The following FADS2 variants were observed in gnomAD, a reference collection of about 807,000 sequenced individuals.
FADS2 encodes acyl-CoA 6-desaturase.
FADS2 carries 18 observed loss-of-function variants against 61.2 expected under a neutral mutation model. The observed-to-expected ratio is 0.29, with a 90% CI of 0.20 to 0.44. The LOEUF (loss-of-function observed/expected upper bound fraction) is 0.44, where lower values mean the gene tolerates loss of function less well. Ranked by LOEUF, FADS2 falls within the 20% of genes least tolerant of loss-of-function variation. FADS2 has a pLI of 1.00. For missense variants in FADS2, 322 were observed against 572.7 expected (o/e 0.56, Z 4.47); for synonymous variants, 203 against 223.9 (o/e 0.91, Z 0.83).
intron 1 of FADS2, among the ~76,000 whole-genome samples, chr11:61,834,986 C>T (rs1464133855): frequency 7.4e-6 from 1 of 135,812 alleles, no homozygotes; most frequent in Non-Finnish European, 1.6e-5. Context: ...TGCCTGCCCC[C>T]CCACCCCAGC....
upstream of FADS2, chr11:61,826,234 CTTCA>C (rs1407344638): frequency 2.8e-6 from 2 of 702,314 alleles, no homozygotes; most frequent in African/African-American, 3.5e-5. Context: ...ATTCTTTGAA[CTTCA>C]TTCATTCATT....
intron 1 of FADS2, among the ~76,000 whole-genome samples, chr11:61,829,883 T>C (rs965342459): frequency 6.6e-6 from 1 of 152,134 alleles, no homozygotes; most frequent in Admixed American, 6.5e-5. Flanking sequence ...CAGGCCACCA[T>C]AACCCAAGCT....
intron 6 of FADS2, 45 bp from the exon 7 acceptor site, chr11:61,857,409 G>A (rs1483977374): frequency 1.3e-6 from 2 of 1,563,362 alleles, no homozygotes; most frequent in Non-Finnish European, 1.8e-6. Context: ...TCCGGCACAG[G>A]CAGGGTGGAA....
chr11:61,827,014 A>G (rs2067091296), upstream of FADS2, among the ~76,000 whole-genome samples: 1 of 152,134 alleles, frequency 6.6e-6, no homozygotes, highest in African/African-American at 2.4e-5. This position sits in a 1 kb window ranked among gnomAD's most constrained non-coding sequence, Gnocchi z 4.5. Context: ...ATCCCATTGA[A>G]ATCTGAGGGC....
At chr11:61,818,826 T>G (rs937504146) in intron 1 of FADS2, among the ~76,000 whole-genome samples, 1 of 152,068 alleles carries the variant, frequency 6.6e-6, no homozygotes, top group African/African-American at 2.4e-5. Flanking sequence ...GAAGTGTAAG[T>G]TGATTAAACT....
At chr11:61,840,748 A>G (rs1214928966) in intron 4 of FADS2, 23 bp downstream of exon 4, 9 of 1,566,324 alleles carry the variant, frequency 5.7e-6, no homozygotes, top group Non-Finnish European at 7.9e-6. Flanking sequence ...AGCCCTGGGC[A>G]TCTGTCCTGT....
In FADS2 at chr11:61,833,749, C is replaced by A. The variant is rs558151434; in HGVS notation, c.208-4029C>A. Among the ~76,000 whole-genome samples, 7 of 152,318 alleles carry A rather than the reference C, an allele frequency of 4.6e-5. No homozygotes were observed. The East Asian group carries it at 1.2e-3, about 25-fold the overall frequency. ...ACCAGCGTGGGGATGCCGGAGAAGG[C>A]TTTTGGTGTTCCAGAGGCAGAAGCC... is the stretch of plus-strand genomic sequence containing the variant. On this transcript the variant is annotated intron_variant, in intron 1 of 11. Coordinates refer to ENST00000278840, the MANE Select transcript of FADS2 (RefSeq NM_004265.4).
chr11:61,855,484 G>A (rs1236676091), intron 5 of FADS2: 3 of 152,204 alleles, frequency 2.0e-5, no homozygotes, highest in Non-Finnish European at 2.9e-5. Flanking sequence ...TCCCTGGCTC[G>A]GACCTCTCCA....
chr11:61,836,050 A>G lies in FADS2; in HGVS notation c.208-1728A>G, dbSNP rs2067171632. ...CCTGGTATAACTTCTTTTTTCCTTCAAGTGAGAGCCTGTCACATTAAAGAA... is the reference window on the plus strand; with the variant it reads ...CCTGGTATAACTTCTTTTTTCCTTCGAGTGAGAGCCTGTCACATTAAAGAA... On this transcript the variant is annotated intron_variant, in intron 1 of 11. Transcript: ENST00000278840. Among the ~76,000 whole-genome samples the G allele has an allele frequency of 2.0e-5, 3 of 152,140 alleles. No homozygotes were observed. The South Asian group carries it at 6.2e-4, about 31-fold the overall frequency.
chr11:61,825,003 C>T (rs1053312047), upstream of FADS2, among the ~76,000 whole-genome samples: 14 of 151,528 alleles, frequency 9.2e-5, no homozygotes, highest in African/African-American at 2.9e-4. Context: ...CCATCATGGC[C>T]AACATGGTGA....
upstream of FADS2, chr11:61,826,199 A>G (rs2067083941): frequency 1.4e-6 from 1 of 702,400 alleles, no homozygotes; most frequent in African/African-American, 1.7e-5. Context: ...TTTGAGCCCC[A>G]TCTACCGCCG....
chr11:61,848,116 C>T (rs1459183236), intron 4 of FADS2, 43 bp from the exon 5 acceptor site: 1 of 1,613,476 alleles, frequency 6.2e-7, no homozygotes, highest in African/African-American at 1.3e-5. Context: ...GCTCGGTTCC[C>T]TGGTGGCTTG....
upstream of FADS2, chr11:61,826,234 C>CTTCA (rs1407344638): frequency 1.3e-5 from 9 of 702,194 alleles, no homozygotes; most frequent in Admixed American, 1.8e-4. Context: ...ATTCTTTGAA[C>CTTCA]TTCATTCATT....
chr11:61,821,966 A>T (rs898833889), intron 1 of FADS2, among the ~76,000 whole-genome samples: 5 of 150,796 alleles, frequency 3.3e-5, no homozygotes, highest in Admixed American at 2.7e-4. Context: ...GATTTCCTTA[A>T]TGCAGTCTTT....
chr11:61,831,935 C>G (rs553228030), intron 1 of FADS2, among the ~76,000 whole-genome samples: 28 of 152,336 alleles, frequency 1.8e-4, no homozygotes, highest in Admixed American at 7.2e-4. Context: ...GCAGTCCCAC[C>G]ACTGCAGAAC....
intron 1 of FADS2, chr11:61,817,009 G>C: frequency 7.6e-7 from 1 of 1,317,628 alleles, no homozygotes; most frequent in Non-Finnish European, 9.7e-7. Context: ...CTGCCAACAC[G>C]CGCCCCCTCG....
chr11:61,865,891 T>A lies in FADS2; in HGVS notation c.*202T>A, dbSNP rs2067464418. Reference sequence around the variant, plus strand: ...CACCCTGCCCTCATGGGACCTGCCCTCCCTCAGCCGTCAGCCATCAGCCAT... The same window carrying A: ...CACCCTGCCCTCATGGGACCTGCCCACCCTCAGCCGTCAGCCATCAGCCAT... On this transcript the variant is annotated 3_prime_UTR_variant, in exon 12 of 12. Transcript: ENST00000278840. This position sits in a 1 kb window ranked among gnomAD's most constrained non-coding sequence, Gnocchi z 4.1. 1.8e-6 allele frequency: 1 copy of A among 569,866 alleles called. No homozygotes were observed. The highest frequency in any genetic ancestry group is 3.1e-6 in the Non-Finnish European group (1 of 319,226). The allele number at this position is 569,866 out of a possible 1,614,324, so 35.3% of individuals were successfully genotyped here. A position where few individuals can be genotyped will look rare whatever the true frequency, so the allele number is the denominator to read the frequency against.
At chr11:61,819,172 C>T (rs1194714894) in intron 1 of FADS2, among the ~76,000 whole-genome samples, 1 of 151,718 alleles carries the variant, frequency 6.6e-6, no homozygotes, top group African/African-American at 2.4e-5. Context: ...CCGCACCCGG[C>T]CAGAATTTAG....
In FADS2 at chr11:61,828,654, C is replaced by T. The variant is rs1309389370; in HGVS notation, c.207+57C>T. Reference sequence around the variant, plus strand: ...CTCTGCTGCAGGCGGAGTCAGGATCCCTGGCTCCCCGTGGGCCAAACAGAC... The same window carrying T: ...CTCTGCTGCAGGCGGAGTCAGGATCTCTGGCTCCCCGTGGGCCAAACAGAC... On this transcript the variant is annotated intron_variant, in intron 1 of 11. Coordinates refer to ENST00000278840, the MANE Select transcript of FADS2 (RefSeq NM_004265.4). The surrounding 1 kb of genome is among the most constrained non-coding windows in gnomAD (Gnocchi z 6.4). The T allele has an allele frequency of 1.3e-6, 2 of 1,513,158 alleles. No individual in the cohort carries two copies. The highest frequency in any genetic ancestry group is 1.8e-6 in the Non-Finnish European group (2 of 1,109,130). 93.7% of individuals were successfully genotyped at this position (1,513,158 alleles called of 1,614,324 possible). A position where few individuals can be genotyped will look rare whatever the true frequency, so the allele number is the denominator to read the frequency against.
Sources: allele counts gnomAD v4.1 joint callset (sites outside exome capture counted in the v4.1 genomes callset), GRCh38; gene constraint gnomAD v4.1.1; non-coding constraint Gnocchi (gnomAD v3.1); transcripts MANE v1.5; gene names NCBI Gene and HGNC (gene_info 2026-07-23, HGNC 2026-07-21).